Variants in TRHDE observed in about 807,000 individuals in gnomAD.
TRHDE encodes thyrotropin releasing hormone degrading enzyme.
TRHDE carries 72 observed loss-of-function variants against 125.7 expected under a neutral mutation model. The observed-to-expected ratio is 0.57, with a 90% CI of 0.47 to 0.70. TRHDE has a LOEUF of 0.70. TRHDE is among the 30% of genes least tolerant of loss of function. TRHDE has a pLI of 0.00. For missense variants in TRHDE, 1,110 were observed against 1,327.1 expected, an observed-to-expected ratio of 0.84 and a Z score of 2.54; for synonymous variants, 509 against 509.1, an observed-to-expected ratio of 1.00 and a Z score of 0.00.
intron 3 of TRHDE, among the ~76,000 whole-genome samples, chr12:72,434,225 A>G (rs1455393558): frequency 2.0e-5 from 3 of 151,824 alleles, no homozygotes; most frequent in Non-Finnish European, 4.4e-5. Flanking sequence ...TCTCTACTAA[A>G]AATACAAAAA....
At chr12:72,374,292 AGTGTGTGTGTGTGTGT>A (rs148577049) in intron 2 of TRHDE, among the ~76,000 whole-genome samples, 41 of 134,100 alleles carry the variant, frequency 3.1e-4, no homozygotes, top group Middle Eastern at 3.8e-3. Context: ...TAGAAGGAGA[AGTGTGTGTGTGTGTGT>A]GTGTGTGTGT....
At chr12:72,111,095 G>A (rs1189695685) in intron 2 of TRHDE, among the ~76,000 whole-genome samples, 1 of 152,110 alleles carries the variant, frequency 6.6e-6, no homozygotes, top group East Asian at 1.9e-4. Context: ...TCCCCTGTGA[G>A]GAATCTGAGG....
intron 2 of TRHDE, among the ~76,000 whole-genome samples, chr12:72,117,202 T>C (rs1875465282): frequency 6.6e-6 from 1 of 152,204 alleles, no homozygotes; most frequent in African/African-American, 2.4e-5. Context: ...AGTAGTTTTA[T>C]AGTTTTAGGT....
chr12:72,210,884 C>T (rs1877767010), intron 2 of TRHDE, among the ~76,000 whole-genome samples: 1 of 152,084 alleles, frequency 6.6e-6, no homozygotes. Flanking sequence ...CTTTCTGATT[C>T]ATACACATAG....
At chr12:72,309,659 A>G (rs1339282628) in intron 2 of TRHDE, 1 of 147,512 alleles carries the variant, frequency 6.8e-6, no homozygotes, top group Admixed American at 6.9e-5. Flanking sequence ...AGATGCAGAG[A>G]AGAAAAAAAT....
chr12:72,484,893 A>G (rs971048077), intron 5 of TRHDE, among the ~76,000 whole-genome samples: 13 of 152,336 alleles, frequency 8.5e-5, no homozygotes, highest in African/African-American at 3.1e-4. Flanking sequence ...AGAGAGCTCC[A>G]TAGAACAGCA....
In TRHDE at chr12:72,189,457, C is replaced by T. The variant is rs144550244; in HGVS notation, n.279+83705C>T. Among the ~76,000 whole-genome samples the T allele has an allele frequency of 9.2e-4, 140 of 152,266 alleles. 1 individual carries two copies. Among genetic ancestry groups the T allele is most frequent in the Middle Eastern group, 3.4e-3 (1 of 294 alleles). ...ATATGCAGACTCTTGAATATTTTAC[C>T]ATCCCAAAGGAAAACAGGAAGAACT... On this transcript the variant is annotated intron_variant and non_coding_transcript_variant, in intron 2 of 4. Coordinates refer to the TRHDE transcript ENST00000548156.
chr12:72,557,264 C>T (rs1291004089), intron 7 of TRHDE, among the ~76,000 whole-genome samples: 1 of 152,138 alleles, frequency 6.6e-6, no homozygotes, highest in African/African-American at 2.4e-5. Flanking sequence ...AATGTCACAT[C>T]TGAATATGAT....
chr12:72,537,420 A>T (rs1175879640), intron 6 of TRHDE, among the ~76,000 whole-genome samples: 1 of 151,960 alleles, frequency 6.6e-6, no homozygotes, highest in East Asian at 1.9e-4. Flanking sequence ...TTCACATGAG[A>T]TCTGATGGTT....
chr12:72,522,179 G>A (rs1868262993), intron 6 of TRHDE, among the ~76,000 whole-genome samples: 1 of 152,076 alleles, frequency 6.6e-6, no homozygotes. Context: ...TTCAAACACT[G>A]GCCATTCTGT....
intron 2 of TRHDE, among the ~76,000 whole-genome samples, chr12:72,145,350 G>A (rs1225085139): frequency 1.3e-5 from 2 of 152,136 alleles, no homozygotes; most frequent in African/African-American, 2.4e-5. Flanking sequence ...ATTCAAACAT[G>A]TTTCATTTAA....
chr12:72,192,181 C>A (rs1232498680), intron 2 of TRHDE, among the ~76,000 whole-genome samples: 1 of 152,004 alleles, frequency 6.6e-6, no homozygotes, highest in Non-Finnish European at 1.5e-5. Flanking sequence ...TCTGCGTGAA[C>A]CTGGAGGACC....
intron 2 of TRHDE, among the ~76,000 whole-genome samples, chr12:72,361,559 T>A (rs567681559): frequency 4.6e-4 from 70 of 151,756 alleles, no homozygotes; most frequent in South Asian, 1.7e-3. Context: ...ATTTATTTTT[T>A]TTTTATTTTA....
At chr12:72,586,345 C>G (rs1044314348) in intron 12 of TRHDE, among the ~76,000 whole-genome samples, 1 of 152,044 alleles carries the variant, frequency 6.6e-6, no homozygotes, top group Non-Finnish European at 1.5e-5. Context: ...AATCGTAAAG[C>G]CTTAGGAGGA....
chr12:72,419,448 G>A (rs1297056387), intron 3 of TRHDE, among the ~76,000 whole-genome samples: 2 of 152,090 alleles, frequency 1.3e-5, no homozygotes, highest in African/African-American at 4.8e-5. Flanking sequence ...CTCCTGGTGA[G>A]GGCCTCAGGA....
At chr12:72,230,976 A>G (rs769177585) in intron 2 of TRHDE, among the ~76,000 whole-genome samples, 30 of 152,284 alleles carry the variant, frequency 2.0e-4, no homozygotes, top group Middle Eastern at 3.4e-3. Context: ...ACCAAGTATT[A>G]ATATAAATTG....
intron 3 of TRHDE, among the ~76,000 whole-genome samples, chr12:72,453,306 G>T (rs1325304158): frequency 2.6e-5 from 4 of 152,176 alleles, no homozygotes; most frequent in Non-Finnish European, 2.9e-5. Context: ...TTGTGTAAAT[G>T]CCCTAGGGAT....
chr12:72,540,498 G>A (rs1442938728), intron 6 of TRHDE, among the ~76,000 whole-genome samples: 4 of 151,640 alleles, frequency 2.6e-5, no homozygotes, highest in Non-Finnish European at 5.9e-5. Context: ...CATTACCTGG[G>A]GGGAAACACC....
chr12:72,368,016 G>GT (rs1315899883), intron 2 of TRHDE, among the ~76,000 whole-genome samples: 2 of 152,070 alleles, frequency 1.3e-5, no homozygotes, highest in Admixed American at 6.6e-5. Context: ...TGTTGTAAAT[G>GT]TTTTTTTCTT....
Sources: allele counts gnomAD v4.1 joint callset (sites outside exome capture counted in the v4.1 genomes callset), GRCh38; gene constraint gnomAD v4.1.1; transcripts MANE v1.5; gene names NCBI Gene and HGNC (gene_info 2026-07-23, HGNC 2026-07-21).